Variants in SGCZ observed in about 807,000 individuals in gnomAD.
The protein encoded by SGCZ is zeta-sarcoglycan.
A neutral mutation model predicts 41.3 loss-of-function variants in SGCZ; 40 were observed. The observed-to-expected ratio is 0.97, with a 90% CI of 0.75 to 1.26. The LOEUF is 1.26. Among genes scored for constraint, SGCZ ranks in the 50% most tolerant of loss-of-function variants. SGCZ has a pLI of 0.00. For synonymous variants in SGCZ, 206 were observed against 137.5 expected (o/e 1.50, Z -3.49); for missense variants, 552 against 369.8 (o/e 1.49, Z -4.04).
At chr8:14,500,047 C>A (rs1420305055) in intron 2 of SGCZ, among the ~76,000 whole-genome samples, 1 of 151,998 alleles carries the variant, frequency 6.6e-6, no homozygotes, top group South Asian at 2.1e-4. Flanking sequence ...TAGTTTAAAA[C>A]CTTTAGAGCA....
At chr8:14,325,970 G>T (rs1390951783) in intron 2 of SGCZ, among the ~76,000 whole-genome samples, 3 of 149,148 alleles carry the variant, frequency 2.0e-5, no homozygotes, top group Non-Finnish European at 3.0e-5. Context: ...AAATTAGCCG[G>T]GCTTGGTGGC....
At chr8:14,830,611 G>T (rs1389117210) in intron 1 of SGCZ, among the ~76,000 whole-genome samples, 1 of 152,076 alleles carries the variant, frequency 6.6e-6, no homozygotes, top group Admixed American at 6.6e-5. Flanking sequence ...GTTAAAAGAG[G>T]TCTATGCATG....
At chr8:14,751,398 C>T (rs1000803) in intron 1 of SGCZ, among the ~76,000 whole-genome samples, 121,088 of 152,014 alleles carry the variant, frequency 0.8, 48,616 homozygotes, top group African/African-American at 0.91. Flanking sequence ...GTATTTATAC[C>T]ATATGACATC....
Position 14,991,822 on chromosome 8 carries a change from C to T in SGCZ, c.39+245763G>A, listed in dbSNP as rs80138592. ...ATCTTGATGTTTACCTCTCACCCATCGTCCTCATCTAATCGACACACAAAT... is the reference window on the plus strand; with the variant it reads ...ATCTTGATGTTTACCTCTCACCCATTGTCCTCATCTAATCGACACACAAAT... On this transcript the variant is annotated intron_variant, in intron 1 of 7. Coordinates refer to ENST00000382080, the MANE Select transcript of SGCZ (RefSeq NM_139167.4). Among the ~76,000 whole-genome samples the T allele has an allele frequency of 7.1e-3, 1,067 of 150,892 alleles. 15 individuals are homozygous for T. The highest frequency in any genetic ancestry group is 0.025 in the African/African-American group (1,011 of 41,028).
At position 14,088,205 on chromosome 8, in the gene SGCZ, C is replaced by A. The variant is rs1801581377; in HGVS notation, c.*2238G>T. On this transcript the variant is annotated 3_prime_UTR_variant, in exon 8 of 8. Transcript: ENST00000382080. ...GAACATGTTGGAACAGAAAGGAACCCCAAGAGACTATTTTATTCAATACTT... is the reference window on the plus strand; with the variant it reads ...GAACATGTTGGAACAGAAAGGAACCACAAGAGACTATTTTATTCAATACTT... 6.6e-6 allele frequency among the ~76,000 whole-genome samples: 1 copy of A among 151,576 alleles called. No homozygotes were observed. Among genetic ancestry groups the A allele is most frequent in the Non-Finnish European group, 1.5e-5 (1 of 67,762 alleles).
Position 14,086,753 on chromosome 8 carries a change from G to A in SGCZ, c.*3690C>T, listed in dbSNP as rs972723355. On this transcript the variant is annotated 3_prime_UTR_variant, in exon 8 of 8. Coordinates refer to ENST00000382080, the MANE Select transcript of SGCZ (RefSeq NM_139167.4). ...AGTGTAAAAGGGAGTATAAAAAAGA[G>A]CATAGGAAGTAGCGTGCCAAAAAGG... is the stretch of plus-strand genomic sequence containing the variant. 2.0e-5 allele frequency among the ~76,000 whole-genome samples: 3 copies of A among 151,616 alleles called. No homozygotes were observed. Among genetic ancestry groups the A allele is most frequent in the African/African-American group, 4.8e-5 (2 of 41,372 alleles).
At chr8:15,172,185 G>A (rs7832259) in intron 1 of SGCZ, among the ~76,000 whole-genome samples, 37,834 of 77,450 alleles carry the variant, frequency 0.49, 6,783 homozygotes, top group East Asian at 0.66. Context: ...TTTTTGAGAC[G>A]GAGTTTCGCT....
intron 3 of SGCZ, among the ~76,000 whole-genome samples, chr8:14,270,012 C>T (rs1800006592): frequency 6.6e-6 from 1 of 152,060 alleles, no homozygotes; most frequent in South Asian, 2.1e-4. Flanking sequence ...GACACAATTT[C>T]ATGGAACACC....
intron 1 of SGCZ, among the ~76,000 whole-genome samples, chr8:15,122,439 A>T (rs572857705): frequency 1.3e-5 from 2 of 152,224 alleles, no homozygotes; most frequent in East Asian, 3.9e-4. Context: ...CAAATATCTT[A>T]TTTCCTGTGA....
intron 2 of SGCZ, among the ~76,000 whole-genome samples, chr8:14,385,612 A>G (rs1197883044): frequency 1.3e-5 from 2 of 152,158 alleles, no homozygotes; most frequent in African/African-American, 2.4e-5. Flanking sequence ...GAGTGTAGAG[A>G]TAATAGTCCA....
intron 1 of SGCZ, among the ~76,000 whole-genome samples, chr8:15,148,424 G>C (rs1373538604): frequency 6.6e-6 from 1 of 152,156 alleles, no homozygotes; most frequent in African/African-American, 2.4e-5. Flanking sequence ...AGTGAGTTAA[G>C]TGTGCAGCTG....
chr8:14,091,228 G>C (rs185034046), intron 7 of SGCZ, among the ~76,000 whole-genome samples: 6 of 151,694 alleles, frequency 4.0e-5, no homozygotes, highest in Admixed American at 2.0e-4. Flanking sequence ...TTTTAATCTA[G>C]TGTGTCATTG....
intron 1 of SGCZ, among the ~76,000 whole-genome samples, chr8:15,062,157 C>T (rs1804962595): frequency 6.6e-6 from 1 of 151,942 alleles, no homozygotes; most frequent in Admixed American, 6.6e-5. Flanking sequence ...ATCATTTCAC[C>T]CCTTTATAAG....
chr8:14,285,852 T>C (rs1800603454), intron 3 of SGCZ, among the ~76,000 whole-genome samples: 1 of 152,112 alleles, frequency 6.6e-6, no homozygotes, highest in Non-Finnish European at 1.5e-5. Context: ...GGGGTTTGTA[T>C]TACTTACATA....
At chr8:14,699,238 A>G (rs1809060630) in intron 1 of SGCZ, among the ~76,000 whole-genome samples, 1 of 149,678 alleles carries the variant, frequency 6.7e-6, no homozygotes, top group Non-Finnish European at 1.5e-5. Context: ...TCTCATATAT[A>G]TATGCATATA....
intron 1 of SGCZ, among the ~76,000 whole-genome samples, chr8:14,994,790 T>A (rs1253917985): frequency 6.6e-6 from 1 of 152,160 alleles, no homozygotes; most frequent in Non-Finnish European, 1.5e-5. Context: ...AAAAAAATCT[T>A]CATTTTTAGA....
At chr8:15,183,467 C>A (rs1324353762) in intron 1 of SGCZ, among the ~76,000 whole-genome samples, 1 of 152,202 alleles carries the variant, frequency 6.6e-6, no homozygotes, top group Non-Finnish European at 1.5e-5. Flanking sequence ...CAAAACTTCA[C>A]TCTATGGCAC....
intron 1 of SGCZ, among the ~76,000 whole-genome samples, chr8:15,147,927 T>C (rs57387228): frequency 0.032 from 4,800 of 152,276 alleles, 216 homozygotes; most frequent in African/African-American, 0.1. Flanking sequence ...CGTGGTAGAA[T>C]TGGGCTTGCT....
chr8:15,201,037 G>C (rs767489609), intron 1 of SGCZ, among the ~76,000 whole-genome samples: 36 of 152,032 alleles, frequency 2.4e-4, no homozygotes, highest in Non-Finnish European at 4.4e-4. Context: ...TATTTATTTA[G>C]ACAAAGTCTC....
Sources: gnomAD v4.1 joint callset for allele counts (sites outside exome capture counted in the v4.1 genomes callset) on GRCh38, gnomAD v4.1.1 for gene constraint, MANE v1.5 for transcripts, NCBI Gene and HGNC (gene_info 2026-07-23, HGNC 2026-07-21) for gene names.